Variants in TMEM8B observed in about 807,000 individuals in gnomAD.
TMEM8B encodes transmembrane protein 8B.
In TMEM8B, 29 loss-of-function variants were observed where a neutral mutation model predicts 49.3. That is an observed-to-expected ratio of 0.59 (90% CI 0.44 to 0.80). TMEM8B has a LOEUF of 0.80. Among genes scored for constraint, TMEM8B ranks in the 30% least tolerant of loss-of-function variants. TMEM8B has a pLI of 0.00. For missense variants in TMEM8B, 575 were observed against 658.5 expected, an observed-to-expected ratio of 0.87 and a Z score of 1.39; for synonymous variants, 264 against 272.8, an observed-to-expected ratio of 0.97 and a Z score of 0.32.
Position 35,845,239 on chromosome 9 carries a change from T to G in TMEM8B, c.1636-736T>G, listed in dbSNP as rs1003899292. 2.3e-5 allele frequency: 5 copies of G among 214,766 alleles called. No homozygotes were observed. In the East Asian group the frequency reaches 9.1e-4, roughly 39 times the overall value. 13.3% of individuals were successfully genotyped at this position (214,766 alleles called of 1,614,324 possible). ...TGGTAACTCATGATACTTCCTTTGCTTTGGTTGCTTGGAAGGCAGTATCAA... is the reference window on the plus strand; with the variant it reads ...TGGTAACTCATGATACTTCCTTTGCGTTGGTTGCTTGGAAGGCAGTATCAA... On this transcript the variant is annotated intron_variant, in intron 6 of 12. Transcript: ENST00000643932.
Position 35,855,217 on chromosome 9 carries a change from A to T in TMEM8B, c.*1377A>T, listed in dbSNP as rs1347774702. ...TGCTCTGGGTTTTGACAGACAAGGC[A>T]TGAGTTGCTGCATCTGTTAAAACTG... On this transcript the variant is annotated 3_prime_UTR_variant, in exon 13 of 13. Transcript: ENST00000643932. 2 of 152,230 alleles carry T rather than the reference A, an allele frequency of 1.3e-5. No individual in the cohort carries two copies. Among genetic ancestry groups the T allele is most frequent in the African/African-American group, 4.8e-5 (2 of 41,448 alleles). 9.4% of individuals were successfully genotyped at this position (152,230 alleles called of 1,614,324 possible).
In TMEM8B at chr9:35,852,883, T is replaced by C. The variant is rs771215191; in HGVS notation, c.2232T>C (p.Asp744=). The change falls in exon 11 of 13, where the codon GAT becomes GAC. Residue 744 remains aspartate, a synonymous_variant. Coordinates refer to ENST00000643932, the MANE Select transcript of TMEM8B (RefSeq NM_001042590.4). The stretch of plus-strand genomic sequence containing the variant: ...TGGTTTTCTGCATCATGGACTACGA[T>C]GTGCTGCAGTTCTGTGATTTCCTGG... ...GIVVFCIMDY[D]VLQFCDFLGS... is the part of the protein sequence containing the mutation. 34 of 1,614,072 alleles carry C rather than the reference T, an allele frequency of 2.1e-5. No individual in the cohort carries two copies. The highest frequency in any genetic ancestry group is 1.2e-4 in the South Asian group (11 of 91,078).
At chr9:35,838,911 C>T (rs991863252) in intron 3 of TMEM8B, among the ~76,000 whole-genome samples, 5 of 152,262 alleles carry the variant, frequency 3.3e-5, no homozygotes, top group African/African-American at 1.2e-4. Context: ...TTCTCCAGCT[C>T]TTCATTTCCA....
intron 10 of TMEM8B, among the ~76,000 whole-genome samples, chr9:35,850,438 T>G (rs896104423): frequency 5.9e-5 from 9 of 152,206 alleles, no homozygotes; most frequent in Non-Finnish European, 1.0e-4. Context: ...ACAAAAGGAA[T>G]GCCAATCTAA....
chr9:35,833,383 G>A (rs1285033012), intron 1 of TMEM8B: 2 of 985,088 alleles, frequency 2.0e-6, no homozygotes, highest in Non-Finnish European at 2.4e-6. Flanking sequence ...AGTCTCCAGA[G>A]CAGTCAGATT....
At chr9:35,834,917 C>T (rs1299704511) in intron 2 of TMEM8B, 94 bp from the exon 3 acceptor site, 13 of 414,750 alleles carry the variant, frequency 3.1e-5, no homozygotes, top group East Asian at 2.8e-4. Flanking sequence ...TTTGTTTTAT[C>T]GGTGAAGAGT....
At chr9:35,834,710 A>C (rs930281321) in intron 2 of TMEM8B, 60 bp downstream of exon 2, 5 of 415,066 alleles carry the variant, frequency 1.2e-5, no homozygotes, top group African/African-American at 1.0e-4. Flanking sequence ...TTCCAGACTA[A>C]AGTGTGACTT....
chr9:35,850,124 C>T (rs1352472683), intron 10 of TMEM8B, among the ~76,000 whole-genome samples: 6 of 152,206 alleles, frequency 3.9e-5, no homozygotes, highest in Non-Finnish European at 7.3e-5. Flanking sequence ...GGAGTAACAG[C>T]AAGTTCCATT....
In TMEM8B at chr9:35,853,038, T is replaced by C. The variant is rs1832294189; in HGVS notation, c.2322+65T>C. ...GTCTCCTTGAAATCCACTCCTGACC[T>C]CTCCCTGGGGGCATTTCCAAGTGCC... On this transcript the variant is annotated intron_variant, in intron 11 of 12. Transcript: ENST00000643932. This position sits in a 1 kb window ranked among gnomAD's most constrained non-coding sequence, Gnocchi z 4.2. 1.2e-6 allele frequency: 2 copies of C among 1,611,232 alleles called. No homozygotes were observed. Among genetic ancestry groups the C allele is most frequent in the Non-Finnish European group, 8.5e-7 (1 of 1,177,982 alleles).
chr9:35,830,994 A>G (rs981960422), intron 1 of TMEM8B, among the ~76,000 whole-genome samples: 2 of 152,128 alleles, frequency 1.3e-5, no homozygotes, highest in Non-Finnish European at 2.9e-5. Context: ...TCTAGATAGG[A>G]TGGAGATGTG....
intron 10 of TMEM8B, 90 bp downstream of exon 10, chr9:35,847,085 G>A (rs1831672855): frequency 6.2e-7 from 1 of 1,614,204 alleles, no homozygotes. Flanking sequence ...CCGAGGGTTT[G>A]GGAATGTCTG....
At chr9:35,833,186 C>T in intron 1 of TMEM8B, 1 of 348,236 alleles carries the variant, frequency 2.9e-6, no homozygotes, top group Non-Finnish European at 4.0e-6. Flanking sequence ...TGGAGTTAAT[C>T]TCTCCCATCT....
Position 35,857,417 on chromosome 9 carries a change from C to T in TMEM8B, c.*3577C>T, listed in dbSNP as rs1183967220. On this transcript the variant is annotated 3_prime_UTR_variant, in exon 13 of 13. Transcript: ENST00000643932. ...ATGCATGAGAGAGATGGTGTCTAAC[C>T]TAGCTTTGAAAACTAGTCCCAGCTA... 1 of 152,254 alleles carries T rather than the reference C, an allele frequency of 6.6e-6. No individual in the cohort carries two copies. Among genetic ancestry groups the T allele is most frequent in the African/African-American group, 2.4e-5 (1 of 41,456 alleles). The allele number at this position is 152,254 out of a possible 1,614,324, so 9.4% of individuals were successfully genotyped here. A position where few individuals can be genotyped will look rare whatever the true frequency, so the allele number is the denominator to read the frequency against.
intron 10 of TMEM8B, among the ~76,000 whole-genome samples, chr9:35,851,080 AGGT>A (rs2132385923): frequency 6.6e-6 from 1 of 152,314 alleles, no homozygotes; most frequent in Non-Finnish European, 1.5e-5. Context: ...CCAGTCTCTT[AGGT>A]GTATTCAAAC....
chr9:35,842,496 G>A lies in TMEM8B; in HGVS notation c.1414G>A (p.Gly472Arg). Residue 472 changes from glycine (G) to arginine (R), a missense_variant, in exon 6 of 13, where the codon GGA becomes AGA. Physicochemically the swap from Gly to Arg is moderately radical, Grantham distance 125. Transcript: ENST00000643932. The surrounding 1 kb of genome is among the most constrained non-coding windows in gnomAD (Gnocchi z 5.6). ...ACTGCCCCCAGAACCGCCATCCCTTGGAACCCCTGCGGAGGGGCCTGGGAC... is the reference window on the plus strand; with the variant it reads ...ACTGCCCCCAGAACCGCCATCCCTTAGAACCCCTGCGGAGGGGCCTGGGAC... ...QPLPPEPPSL[G>R]TPAEGPGTTS... The A allele has an allele frequency of 1.9e-6, 3 of 1,608,384 alleles. No individual in the cohort carries two copies. The highest frequency in any genetic ancestry group is 2.6e-6 in the Non-Finnish European group (3 of 1,176,186).
chr9:35,853,575 C>T lies in TMEM8B; in HGVS notation c.2510C>T (p.Pro837Leu), dbSNP rs1444986135. ...TWRRWLFYLC[P>L]GSLIAGSAVL... is the part of the protein sequence containing the mutation. The stretch of plus-strand genomic sequence containing the variant: ...CGCCGCTGGCTTTTCTACTTGTGCC[C>T]TGGCAGCCTTATTGCAGGCAGTGCC... The change falls in exon 13 of 13, where the codon CCT becomes CTT. Residue 837 changes from proline (P) to leucine (L), a missense_variant. Coordinates refer to ENST00000643932, the MANE Select transcript of TMEM8B (RefSeq NM_001042590.4). This position sits in a 1 kb window ranked among gnomAD's most constrained non-coding sequence, Gnocchi z 4.2. 1.4e-5 allele frequency: 22 copies of T among 1,614,236 alleles called. No homozygotes were observed. The highest frequency in any genetic ancestry group is 1.8e-5 in the Non-Finnish European group (21 of 1,180,044).
intron 10 of TMEM8B, 144 bp from the exon 11 acceptor site, chr9:35,852,683 A>G: frequency 1.1e-6 from 1 of 923,088 alleles, no homozygotes; most frequent in East Asian, 2.4e-5. Flanking sequence ...TTGGGGAGTC[A>G]GGCATTTCCC....
intron 10 of TMEM8B, among the ~76,000 whole-genome samples, chr9:35,852,205 G>C (rs1177239003): frequency 1.3e-5 from 2 of 152,202 alleles, no homozygotes; most frequent in African/African-American, 2.4e-5. Flanking sequence ...ATGTTCTCCA[G>C]AGTGTAGGAT....
In TMEM8B at chr9:35,864,024, C is replaced by T. The variant is rs549569422; in HGVS notation, c.*10184C>T. ...AAAATAGCTGCCTGGTTTCACTCCCCGGTTTTACGCCTCTTGAGAAGCAGA... is the reference window on the plus strand; with the variant it reads ...AAAATAGCTGCCTGGTTTCACTCCCTGGTTTTACGCCTCTTGAGAAGCAGA... On this transcript the variant is annotated 3_prime_UTR_variant, in exon 13 of 13. Coordinates refer to ENST00000643932, the MANE Select transcript of TMEM8B (RefSeq NM_001042590.4). 6 of 152,350 alleles carry T rather than the reference C, an allele frequency of 3.9e-5. No individual in the cohort carries two copies. Among genetic ancestry groups the T allele is most frequent in the South Asian group, 2.1e-4 (1 of 4,818 alleles). 9.4% of individuals were successfully genotyped at this position (152,350 alleles called of 1,614,324 possible). A position where few individuals can be genotyped will look rare whatever the true frequency, so the allele number is the denominator to read the frequency against.
Sources: allele counts gnomAD v4.1 joint callset (sites outside exome capture counted in the v4.1 genomes callset), GRCh38; gene constraint gnomAD v4.1.1; non-coding constraint Gnocchi (gnomAD v3.1); transcripts MANE v1.5; gene names NCBI Gene and HGNC (gene_info 2026-07-23, HGNC 2026-07-21).